Variants in RBM19 observed in about 807,000 individuals in gnomAD.
RBM19 encodes RNA binding motif protein 19, also known as probable RNA-binding protein 19.
RBM19 carries 94 observed loss-of-function variants against 116.8 expected under a neutral mutation model. The observed-to-expected ratio is 0.80, with a 90% CI of 0.68 to 0.95. The LOEUF (loss-of-function observed/expected upper bound fraction) is 0.95. Among genes scored for constraint, RBM19 ranks in the 40% least tolerant of loss-of-function variants. The pLI is 0.00. For synonymous variants in RBM19, 475 were observed against 494.1 expected, an observed-to-expected ratio of 0.96 and a Z score of 0.51; for missense variants, 1,161 against 1,220.7, an observed-to-expected ratio of 0.95 and a Z score of 0.73.
rs1882418704 is a variant in RBM19, at chr12:113,911,402, AAAC to A, written c.2558+3564_2558+3566del. Reference sequence around the variant, plus strand: ...AAGAAAAAACAAAAACAAAACAAACAAACAAAAAAACCAGGAAAACGCTGCCCA... The same window carrying A: ...AAGAAAAAACAAAAACAAAACAAACAAAAAAAACCAGGAAAACGCTGCCCA... On this transcript the variant is annotated intron_variant, in intron 21 of 23. Transcript: ENST00000261741. Among the ~76,000 whole-genome samples the A allele has an allele frequency of 2.0e-5, 3 of 152,150 alleles. No individual in the cohort carries two copies. In the South Asian group the frequency reaches 6.2e-4, roughly 32 times the overall value.
intron 21 of RBM19, among the ~76,000 whole-genome samples, chr12:113,909,666 G>A (rs183848269): frequency 4.6e-5 from 7 of 152,276 alleles, no homozygotes; most frequent in African/African-American, 1.2e-4. Context: ...GCTCACAGGT[G>A]GAAAGTGAGC....
intron 14 of RBM19, among the ~76,000 whole-genome samples, chr12:113,941,846 C>T (rs1038274356): frequency 6.6e-6 from 1 of 152,212 alleles, no homozygotes; most frequent in African/African-American, 2.4e-5. Context: ...GTCACCTCCC[C>T]ACTCTGAGCG....
intron 23 of RBM19, among the ~76,000 whole-genome samples, chr12:113,841,700 C>T (rs1405816904): frequency 2.0e-5 from 3 of 152,186 alleles, no homozygotes; most frequent in Non-Finnish European, 4.4e-5. Context: ...GCTGGGATTA[C>T]AGGCCTGAGC....
intron 22 of RBM19, among the ~76,000 whole-genome samples, chr12:113,855,852 C>T (rs1378909339): frequency 2.6e-5 from 4 of 152,146 alleles, no homozygotes; most frequent in Non-Finnish European, 4.4e-5. Context: ...GCAGTGTGGA[C>T]GATTCTACGG....
At chr12:113,842,165 C>A (rs1221318524) in intron 23 of RBM19, among the ~76,000 whole-genome samples, 1 of 152,216 alleles carries the variant, frequency 6.6e-6, no homozygotes, top group Non-Finnish European at 1.5e-5. Flanking sequence ...GAAATGCTGC[C>A]AGCTAAGTCT....
At chr12:113,914,924 C>A in intron 21 of RBM19, 45 bp downstream of exon 21, 1 of 1,533,344 alleles carries the variant, frequency 6.5e-7, no homozygotes, top group South Asian at 1.1e-5. Context: ...CGGGCAGGCT[C>A]CCCGCCCACA....
intron 10 of RBM19, among the ~76,000 whole-genome samples, chr12:113,948,444 G>T (rs377656101): frequency 5.3e-5 from 8 of 152,294 alleles, no homozygotes; most frequent in African/African-American, 1.9e-4. Flanking sequence ...ACGGAGGAAC[G>T]CCGTGTAGGT....
At chr12:113,861,743 T>C (rs77531286) in intron 21 of RBM19, among the ~76,000 whole-genome samples, 16,773 of 152,024 alleles carry the variant, frequency 0.11, 1,211 homozygotes, top group East Asian at 0.23. Flanking sequence ...AGACATGCTT[T>C]TGTGGCCTGC....
At chr12:113,960,739 C>G (rs1034116284) in intron 2 of RBM19, among the ~76,000 whole-genome samples, 1 of 152,290 alleles carries the variant, frequency 6.6e-6, no homozygotes, top group Non-Finnish European at 1.5e-5. Context: ...ACAGTTACCC[C>G]ACACTGCCCT....
At chr12:113,949,736 T>A (rs117287472) in intron 9 of RBM19, among the ~76,000 whole-genome samples, 3,825 of 152,256 alleles carry the variant, frequency 0.025, 69 homozygotes, top group Middle Eastern at 0.041. Context: ...TGTCCCAATG[T>A]CACCCCTCGG....
chr12:113,929,279 G>A (rs1039984804), intron 16 of RBM19, among the ~76,000 whole-genome samples: 3 of 152,070 alleles, frequency 2.0e-5, no homozygotes, highest in South Asian at 2.1e-4. Context: ...ATTAAGCTTC[G>A]ACCACTTTGT....
chr12:113,942,788 T>C (rs1870694516), intron 13 of RBM19, among the ~76,000 whole-genome samples: 1 of 152,068 alleles, frequency 6.6e-6, no homozygotes. Context: ...TTTTTATATT[T>C]TTTGTAGAGA....
intron 16 of RBM19, among the ~76,000 whole-genome samples, chr12:113,928,520 C>T (rs373372379): frequency 1.3e-5 from 2 of 150,246 alleles, no homozygotes; most frequent in South Asian, 2.1e-4. Context: ...TAGGGATGGT[C>T]GTCATTTCAA....
chr12:113,919,347 G>A (rs1045830687), intron 19 of RBM19, among the ~76,000 whole-genome samples: 19 of 152,340 alleles, frequency 1.2e-4, no homozygotes, highest in Non-Finnish European at 2.4e-4. Context: ...TAAGGCGGGC[G>A]GATCACGGGG....
downstream of RBM19, chr12:113,818,051 A>C (rs1355188465): frequency 6.6e-6 from 1 of 152,076 alleles, no homozygotes; most frequent in Non-Finnish European, 1.5e-5. Flanking sequence ...CTACATGGTG[A>C]AACCCAGTCT....
intron 21 of RBM19, among the ~76,000 whole-genome samples, chr12:113,886,193 C>T (rs752728894): frequency 1.3e-5 from 2 of 151,916 alleles, no homozygotes; most frequent in African/African-American, 2.4e-5. Context: ...AATGCAGTGG[C>T]GTAACCACAG....
chr12:113,959,348 C>T lies in RBM19; in HGVS notation c.435G>A (p.Gln145=). ...EFLSVHQRRA[Q]AATWANDGLD... is the part of the protein sequence containing the mutation. ...GGCCATCATTCGCCCAAGTGGCTGC[C>T]TGCGCCCGCCTCTGATGAACTGACA... Residue 145 remains glutamine (Q), a synonymous_variant, in exon 5 of 24, where the codon CAG becomes CAA. Transcript: ENST00000261741. 1 of 1,613,372 alleles carries T rather than the reference C, an allele frequency of 6.2e-7. No homozygotes were observed. Among genetic ancestry groups the T allele is most frequent in the South Asian group, 1.1e-5 (1 of 91,058 alleles).
chr12:113,901,652 GCGCCTGCCACCA>G (rs1202860483), intron 21 of RBM19, among the ~76,000 whole-genome samples: 1 of 152,098 alleles, frequency 6.6e-6, no homozygotes, highest in Non-Finnish European at 1.5e-5. Flanking sequence ...GGGACGACAG[GCGCCTGCCACCA>G]CGCCTGGCTA....
downstream of RBM19, chr12:113,817,253 A>T (rs1187510441): frequency 2.0e-5 from 3 of 152,276 alleles, no homozygotes; most frequent in Non-Finnish European, 2.9e-5. Flanking sequence ...GCCTGCGTCC[A>T]CGCAGCAGGG....
Sources: gnomAD v4.1 joint callset for allele counts (sites outside exome capture counted in the v4.1 genomes callset) on GRCh38, gnomAD v4.1.1 for gene constraint, MANE v1.5 for transcripts, NCBI Gene and HGNC (gene_info 2026-07-23, HGNC 2026-07-21) for gene names.